Variants in SH3GL2 observed in about 807,000 individuals in gnomAD.
SH3GL2 encodes endophilin-A1.
SH3GL2 carries 24 observed loss-of-function variants against 46.0 expected under a neutral mutation model. That is an observed-to-expected ratio of 0.52 (90% CI 0.38 to 0.73). The LOEUF (loss-of-function observed/expected upper bound fraction) is 0.73. SH3GL2 is among the 30% of genes least tolerant of loss of function. The pLI is 0.00. For synonymous variants in SH3GL2, 196 were observed against 147.1 expected (o/e 1.33, Z -2.40); for missense variants, 413 against 424.2 (o/e 0.97, Z 0.23).
intron 1 of SH3GL2, among the ~76,000 whole-genome samples, chr9:17,625,081 G>C (rs1433681844): frequency 6.6e-6 from 1 of 152,118 alleles, no homozygotes; most frequent in Admixed American, 6.5e-5. Context: ...ACTTTTTTTG[G>C]GAGGGGGCTG....
chr9:17,715,157 A>T (rs1270727974), intron 1 of SH3GL2, among the ~76,000 whole-genome samples: 1 of 137,756 alleles, frequency 7.3e-6, no homozygotes, highest in African/African-American at 2.6e-5. Context: ...TTTCCTTATC[A>T]CTGGTTTTGA....
intron 3 of SH3GL2, among the ~76,000 whole-genome samples, chr9:17,763,832 C>G (rs929658650): frequency 2.6e-5 from 4 of 152,138 alleles, no homozygotes; most frequent in African/African-American, 9.7e-5. Context: ...CTGACTACCT[C>G]CTAAGTCTCT....
chr9:17,781,812 G>A (rs9407871), intron 3 of SH3GL2, among the ~76,000 whole-genome samples: 17,594 of 151,958 alleles, frequency 0.12, 1,133 homozygotes, highest in Admixed American at 0.15. Context: ...CTTTCAGAAA[G>A]CCCAGCTCGA....
rs150118479 is a variant in SH3GL2, at chr9:17,584,151, G to A, written c.45+4864G>A. 9.2e-5 allele frequency among the ~76,000 whole-genome samples: 14 copies of A among 152,210 alleles called. No individual in the cohort carries two copies. In the East Asian group the frequency reaches 2.3e-3, roughly 25 times the overall value. Reference sequence around the variant, plus strand: ...ATTTTTCTGAGGGAGAATGCCCTTAGCCTGTTACCAGATTCTTAAATAAAT... The same window carrying A: ...ATTTTTCTGAGGGAGAATGCCCTTAACCTGTTACCAGATTCTTAAATAAAT... On this transcript the variant is annotated intron_variant, in intron 1 of 8. Coordinates refer to ENST00000380607, the MANE Select transcript of SH3GL2 (RefSeq NM_003026.5).
At chr9:17,741,654 A>C (rs1175830320) in intron 1 of SH3GL2, among the ~76,000 whole-genome samples, 1 of 152,222 alleles carries the variant, frequency 6.6e-6, no homozygotes, top group Non-Finnish European at 1.5e-5. Flanking sequence ...TTTTAGAATA[A>C]TTCATTGAGA....
At chr9:17,724,809 A>C (rs1284813820) in intron 1 of SH3GL2, among the ~76,000 whole-genome samples, 1 of 151,978 alleles carries the variant, frequency 6.6e-6, no homozygotes, top group Non-Finnish European at 1.5e-5. Flanking sequence ...TCCCTGCTCA[A>C]ATTTGTTTCT....
chr9:17,718,171 G>A (rs912932733), intron 1 of SH3GL2, among the ~76,000 whole-genome samples: 1 of 152,044 alleles, frequency 6.6e-6, no homozygotes. Context: ...ACCATACAGA[G>A]AAATAGAAAA....
intron 2 of SH3GL2, among the ~76,000 whole-genome samples, chr9:17,748,364 G>T (rs1822752622): frequency 6.6e-6 from 1 of 152,144 alleles, no homozygotes; most frequent in Non-Finnish European, 1.5e-5. Flanking sequence ...ACATTGTAAA[G>T]AATATTGCTT....
chr9:17,604,740 G>A (rs578094020), intron 1 of SH3GL2, among the ~76,000 whole-genome samples: 2 of 152,232 alleles, frequency 1.3e-5, no homozygotes, highest in Admixed American at 6.5e-5. Context: ...CAGCCTGGAG[G>A]GCTGGCATCT....
At chr9:17,689,311 C>G (rs142968950) in intron 1 of SH3GL2, among the ~76,000 whole-genome samples, 1 of 152,014 alleles carries the variant, frequency 6.6e-6, no homozygotes, top group Non-Finnish European at 1.5e-5. Flanking sequence ...GATACGAAAA[C>G]TAAATATGTG....
intron 1 of SH3GL2, among the ~76,000 whole-genome samples, chr9:17,741,211 C>CA (rs1563834931): frequency 6.6e-6 from 1 of 151,850 alleles, no homozygotes. Flanking sequence ...GGTGATTTTT[C>CA]AAAAAAGTAT....
intron 1 of SH3GL2, among the ~76,000 whole-genome samples, chr9:17,610,104 G>A (rs1450935337): frequency 6.6e-6 from 1 of 152,174 alleles, no homozygotes; most frequent in Non-Finnish European, 1.5e-5. Flanking sequence ...GATTTGAATG[G>A]AGGCCCAGCT....
At chr9:17,696,716 G>A (rs1011324069) in intron 1 of SH3GL2, among the ~76,000 whole-genome samples, 9 of 152,122 alleles carry the variant, frequency 5.9e-5, no homozygotes, top group African/African-American at 9.7e-5. Context: ...GGTCCCTCCC[G>A]TGACACATGG....
intron 1 of SH3GL2, among the ~76,000 whole-genome samples, chr9:17,679,769 G>C (rs1015009836): frequency 4.6e-5 from 7 of 151,874 alleles, no homozygotes; most frequent in African/African-American, 1.7e-4. Flanking sequence ...GTGGGTTTGT[G>C]ATAAATAGCT....
chr9:17,581,090 A>G (rs571616281), intron 1 of SH3GL2, among the ~76,000 whole-genome samples: 60 of 152,304 alleles, frequency 3.9e-4, no homozygotes, highest in Middle Eastern at 6.8e-3. Context: ...AAAGTGTTCA[A>G]TAAATTATAG....
chr9:17,605,569 T>C (rs1588168075), intron 1 of SH3GL2, among the ~76,000 whole-genome samples: 2 of 152,162 alleles, frequency 1.3e-5, no homozygotes, highest in East Asian at 3.9e-4. Context: ...ACCTGAGAGC[T>C]AGCAAAAAAC....
chr9:17,661,673 G>A lies in SH3GL2; in HGVS notation c.45+82386G>A, dbSNP rs7876032. 4.1e-3 allele frequency among the ~76,000 whole-genome samples: 617 copies of A among 152,238 alleles called. 2 individuals carry two copies. Among genetic ancestry groups the A allele is most frequent in the African/African-American group, 0.014 (586 of 41,536 alleles). ...TAAATAAAACAAAACATGCCCTTGG[G>A]GTATTGATGTAATCTTTTTTTTAAC... On this transcript the variant is annotated intron_variant, in intron 1 of 8. Transcript: ENST00000380607.
intron 1 of SH3GL2, among the ~76,000 whole-genome samples, chr9:17,609,198 A>C (rs1433951699): frequency 6.6e-6 from 1 of 152,204 alleles, no homozygotes; most frequent in African/African-American, 2.4e-5. Flanking sequence ...AGATGAGGAA[A>C]TAGAAATGCA....
chr9:17,731,316 G>A (rs1822172507), intron 1 of SH3GL2, among the ~76,000 whole-genome samples: 1 of 151,902 alleles, frequency 6.6e-6, no homozygotes, highest in African/African-American at 2.4e-5. Context: ...CCCTTGGGAG[G>A]TGTTTAAAGT....
Sources: allele counts gnomAD v4.1 joint callset (sites outside exome capture counted in the v4.1 genomes callset), GRCh38; gene constraint gnomAD v4.1.1; transcripts MANE v1.5; gene names NCBI Gene and HGNC (gene_info 2026-07-23, HGNC 2026-07-21).